Variants in BARD1 observed in about 807,000 individuals in gnomAD.
The protein encoded by BARD1 is BRCA1 associated RING domain 1, also known as BRCA1-associated RING domain protein 1.
BARD1 carries 73 observed loss-of-function variants against 77.0 expected under a neutral mutation model. The ratio of observed to expected loss-of-function variants is 0.95; its 90% CI spans 0.79 to 1.15. The LOEUF is 1.15. BARD1 is among the 50% of genes most tolerant of loss of function. The pLI is 0.00. For missense variants in BARD1, 993 were observed against 938.8 expected (o/e 1.06, Z -0.75); for synonymous variants, 384 against 338.0 (o/e 1.14, Z -1.49).
chr2:214,749,270 T>C (rs1336454407), intron 7 of BARD1, among the ~76,000 whole-genome samples: 1 of 151,730 alleles, frequency 6.6e-6, no homozygotes, highest in Admixed American at 6.6e-5. Context: ...AGGCAGCCCA[T>C]GTGACTGAAA....
At chr2:214,797,748 G>A in intron 1 of BARD1, among the ~76,000 whole-genome samples, 1 of 152,094 alleles carries the variant, frequency 6.6e-6, no homozygotes, top group Non-Finnish European at 1.5e-5. Flanking sequence ...GAAAAATGCA[G>A]CCATTCTTTC....
At chr2:214,733,104 CAT>C (rs1407419548) in intron 9 of BARD1, among the ~76,000 whole-genome samples, 1 of 152,150 alleles carries the variant, frequency 6.6e-6, no homozygotes, top group African/African-American at 2.4e-5. Flanking sequence ...AGTGCAGAAA[CAT>C]AAAGTGACTT....
At chr2:214,757,858 TA>T (rs1240835773) in intron 6 of BARD1, among the ~76,000 whole-genome samples, 3 of 151,686 alleles carry the variant, frequency 2.0e-5, no homozygotes, top group African/African-American at 7.3e-5. Context: ...ACAAACAGAA[TA>T]AGAATATCCT....
intron 6 of BARD1, among the ~76,000 whole-genome samples, chr2:214,760,585 C>G (rs1413930664): frequency 1.3e-5 from 2 of 152,114 alleles, no homozygotes; most frequent in East Asian, 1.9e-4. Flanking sequence ...CAGTGACATC[C>G]GAGACTAACT....
chr2:214,803,811 C>G (rs561758411), intron 1 of BARD1, among the ~76,000 whole-genome samples: 1 of 152,116 alleles, frequency 6.6e-6, no homozygotes, highest in African/African-American at 2.4e-5. Context: ...TTCCACCTTA[C>G]GAGAAACACC....
At chr2:214,748,840 A>G (rs1693265593) in intron 7 of BARD1, among the ~76,000 whole-genome samples, 1 of 144,222 alleles carries the variant, frequency 6.9e-6, no homozygotes, top group Non-Finnish European at 1.5e-5. Context: ...TATGTATCAT[A>G]AAGAATACTC....
chr2:214,728,281 TAAAAAA>T lies in BARD1; in HGVS notation c.*389_*394del. 8.1e-5 allele frequency: 12 copies of T among 149,008 alleles called. No individual in the cohort carries two copies. The highest frequency in any genetic ancestry group is 1.8e-4 in the East Asian group (2 of 11,384). 9.2% of individuals were successfully genotyped at this position (149,008 alleles called of 1,614,324 possible). A position where few individuals can be genotyped will look rare whatever the true frequency, so the allele number is the denominator to read the frequency against. The stretch of plus-strand genomic sequence containing the variant: ...AATTGTTTGATAATATTCTGTTTAC[TAAAAAA>T]AAAAAAAAAAAAAAGGCAAGTTTTT... On this transcript the variant is annotated 3_prime_UTR_variant, in exon 11 of 11. Transcript: ENST00000260947.
At chr2:214,804,110 T>C (rs533895110) in intron 1 of BARD1, among the ~76,000 whole-genome samples, 1 of 152,324 alleles carries the variant, frequency 6.6e-6, no homozygotes, top group Admixed American at 6.5e-5. Context: ...AAGGTAATTT[T>C]AACGTGTGGA....
chr2:214,780,130 GACC>G (rs1694912440), intron 4 of BARD1, among the ~76,000 whole-genome samples: 2 of 152,294 alleles, frequency 1.3e-5, no homozygotes, highest in Admixed American at 1.3e-4. Context: ...GAAATGTACA[GACC>G]ACATCTTTCA....
chr2:214,736,101 A>C (rs1363687291), intron 9 of BARD1, among the ~76,000 whole-genome samples: 1 of 152,060 alleles, frequency 6.6e-6, no homozygotes, highest in Non-Finnish European at 1.5e-5. Context: ...ACATATAATA[A>C]AAATTATACT....
At position 214,809,447 on chromosome 2, in the gene BARD1, G is replaced by T. The variant is rs764410072; in HGVS notation, c.123C>A (p.Leu41=). ...RGAWAHSRAA[L]DRLEKLLRCS... is the part of the protein sequence containing the mutation. The stretch of plus-strand genomic sequence containing the variant: ...AGCGCAGCAGCTTCTCCAGGCGGTC[G>T]AGCGCGGCGCGACTGTGGGCCCAGG... The change falls in exon 1 of 11, where the codon CTC becomes CTA. Residue 41 remains leucine, a synonymous_variant. Transcript: ENST00000260947. 3.1e-6 allele frequency: 5 copies of T among 1,611,740 alleles called. No homozygotes were observed. Among genetic ancestry groups the T allele is most frequent in the Non-Finnish European group, 4.2e-6 (5 of 1,179,692 alleles).
At chr2:214,767,681 G>A in intron 5 of BARD1, 27 bp from the exon 6 acceptor site, 1 of 1,604,848 alleles carries the variant, frequency 6.2e-7, no homozygotes, top group South Asian at 1.1e-5. Context: ...AAAAAGAAGT[G>A]AAAGAAGTGA....
chr2:214,765,751 T>TACACACAC (rs147394459), intron 6 of BARD1, among the ~76,000 whole-genome samples: 1 of 150,238 alleles, frequency 6.7e-6, no homozygotes, highest in Non-Finnish European at 1.5e-5. Flanking sequence ...CGCACGTGTG[T>TACACACAC]ACACACACAC....
At chr2:214,750,879 GTTCC>G in intron 7 of BARD1, among the ~76,000 whole-genome samples, 1 of 152,000 alleles carries the variant, frequency 6.6e-6, no homozygotes. Flanking sequence ...AAAGAATTTG[GTTCC>G]TTGATGCAAC....
At chr2:214,797,868 A>T (rs1695828833) in intron 1 of BARD1, among the ~76,000 whole-genome samples, 1 of 152,208 alleles carries the variant, frequency 6.6e-6, no homozygotes, top group East Asian at 1.9e-4. Flanking sequence ...GCAAAGAGAC[A>T]CAGAAACAAA....
chr2:214,761,643 A>T (rs115756790), intron 6 of BARD1, among the ~76,000 whole-genome samples: 2,253 of 152,324 alleles, frequency 0.015, 13 homozygotes, highest in Middle Eastern at 0.031. Flanking sequence ...TCAAAAACAA[A>T]AACAAAAAAA....
intron 7 of BARD1, among the ~76,000 whole-genome samples, chr2:214,751,504 T>C (rs1559393712): frequency 6.6e-6 from 1 of 151,984 alleles, no homozygotes; most frequent in Non-Finnish European, 1.5e-5. Context: ...AGTTTCTACT[T>C]ACTTTGATTC....
intron 1 of BARD1, among the ~76,000 whole-genome samples, chr2:214,797,741 A>G (rs1358927813): frequency 6.6e-6 from 1 of 152,184 alleles, no homozygotes; most frequent in Non-Finnish European, 1.5e-5. Context: ...ATATTGTGAA[A>G]AATGCAGCCA....
chr2:214,729,043 T>TA, intron 10 of BARD1, 35 bp from the exon 11 acceptor site: 1 of 1,593,816 alleles, frequency 6.3e-7, no homozygotes, highest in African/African-American at 1.3e-5. Flanking sequence ...TAAAGGCAGA[T>TA]CAAAATACTG....
Sources: gnomAD v4.1 joint callset for allele counts (sites outside exome capture counted in the v4.1 genomes callset) on GRCh38, gnomAD v4.1.1 for gene constraint, MANE v1.5 for transcripts, NCBI Gene and HGNC (gene_info 2026-07-23, HGNC 2026-07-21) for gene names.